The following KCNJ6 variants were observed in gnomAD, a reference collection of about 807,000 sequenced individuals.
KCNJ6 encodes potassium inwardly rectifying channel subfamily J member 6.
KCNJ6 carries 9 observed loss-of-function variants against 34.2 expected under a neutral mutation model. The ratio of observed to expected loss-of-function variants is 0.26; its 90% confidence interval spans 0.16 to 0.46. KCNJ6 has a LOEUF of 0.46. Among genes scored for constraint, KCNJ6 ranks in the 20% least tolerant of loss-of-function variants. The probability of loss-of-function intolerance (pLI) is 1.00; values close to 1 mark genes in which losing one functional copy is unlikely to be tolerated. For synonymous variants in KCNJ6, 196 were observed against 207.1 expected (o/e 0.95, Z 0.46); for missense variants, 236 against 531.3 (o/e 0.44, Z 5.46).
intron 3 of KCNJ6, among the ~76,000 whole-genome samples, chr21:37,665,113 C>A (rs557270016): frequency 6.6e-6 from 1 of 152,176 alleles, no homozygotes; most frequent in African/African-American, 2.4e-5. Flanking sequence ...TCCTTTTAAG[C>A]CTTGGTTTAG....
At chr21:37,638,501 A>G (rs1285668058) in intron 3 of KCNJ6, among the ~76,000 whole-genome samples, 6 of 152,206 alleles carry the variant, frequency 3.9e-5, no homozygotes, top group African/African-American at 1.2e-4. Flanking sequence ...GATTGATAAC[A>G]TATTTTACAA....
intron 2 of KCNJ6, among the ~76,000 whole-genome samples, chr21:37,728,698 G>GTGTA (rs1491321788): frequency 4.7e-5 from 7 of 150,316 alleles, no homozygotes; most frequent in East Asian, 2.0e-4. Context: ...GTGTGTGTGT[G>GTGTA]TATATATATA....
chr21:37,751,259 AT>A (rs989833849), intron 2 of KCNJ6, among the ~76,000 whole-genome samples: 3 of 152,212 alleles, frequency 2.0e-5, no homozygotes, highest in Admixed American at 6.5e-5. Flanking sequence ...TCACTGGAAT[AT>A]TTTATGCCTA....
intron 3 of KCNJ6, among the ~76,000 whole-genome samples, chr21:37,668,208 A>G (rs1402646549): frequency 3.9e-5 from 6 of 152,096 alleles, no homozygotes; most frequent in Admixed American, 3.9e-4. Context: ...CTTCTGCCTC[A>G]GAGCCCTCTC....
intron 3 of KCNJ6, among the ~76,000 whole-genome samples, chr21:37,628,559 C>G (rs2054320656): frequency 6.6e-6 from 1 of 152,006 alleles, no homozygotes; most frequent in East Asian, 1.9e-4. Flanking sequence ...GCAAGCATAC[C>G]AACGTACGCA....
intron 3 of KCNJ6, among the ~76,000 whole-genome samples, chr21:37,658,546 A>AT (rs1188318034): frequency 6.6e-6 from 1 of 152,120 alleles, no homozygotes; most frequent in African/African-American, 2.4e-5. Flanking sequence ...ATACAGAGAG[A>AT]TTTTTTCTTT....
chr21:37,847,820 A>G (rs560811865), intron 1 of KCNJ6, among the ~76,000 whole-genome samples: 1 of 151,882 alleles, frequency 6.6e-6, no homozygotes, highest in African/African-American at 2.4e-5. Context: ...AGAGACAGAG[A>G]ATGAGACTGG....
intron 1 of KCNJ6, among the ~76,000 whole-genome samples, chr21:37,898,048 T>C (rs1250469501): frequency 6.6e-6 from 1 of 152,252 alleles, no homozygotes; most frequent in Non-Finnish European, 1.5e-5. Context: ...CTGTGGGTTC[T>C]CCATGTTGAC....
At chr21:37,781,340 G>C (rs1452183778) in intron 2 of KCNJ6, among the ~76,000 whole-genome samples, 1 of 152,210 alleles carries the variant, frequency 6.6e-6, no homozygotes, top group Admixed American at 6.5e-5. Flanking sequence ...TGGGGTAAGG[G>C]CGCAGTGACA....
intron 2 of KCNJ6, among the ~76,000 whole-genome samples, chr21:37,830,427 G>C (rs760179614): frequency 1.3e-5 from 2 of 152,238 alleles, no homozygotes; most frequent in East Asian, 3.9e-4. Context: ...CTACTCCCCT[G>C]GGGGTGACTT....
chr21:37,870,340 C>A (rs923226286), intron 1 of KCNJ6, among the ~76,000 whole-genome samples: 1 of 151,836 alleles, frequency 6.6e-6, no homozygotes, highest in Non-Finnish European at 1.5e-5. Flanking sequence ...CAGCATTAAA[C>A]AGAGATCGCA....
In KCNJ6 at chr21:37,614,388, C is replaced by G. The variant is rs2898318; in HGVS notation, c.*10771G>C. On this transcript the variant is annotated 3_prime_UTR_variant, in exon 4 of 4. Coordinates refer to ENST00000609713, the MANE Select transcript of KCNJ6 (RefSeq NM_002240.5). The stretch of plus-strand genomic sequence containing the variant: ...TGTGTGTGTGTGTGTGTGTGTATAT[C>G]TGTGTGTGCGTATGCATGTGTCTGT... 5,731 of 136,594 alleles carry G rather than the reference C, an allele frequency of 0.042. 257 individuals are homozygous for G. Among genetic ancestry groups the G allele is most frequent in the African/African-American group, 0.12 (4,427 of 37,878 alleles). The allele number at this position is 136,594 out of a possible 1,614,324, so 8.5% of individuals were successfully genotyped here. A position where few individuals can be genotyped will look rare whatever the true frequency, so the allele number is the denominator to read the frequency against.
chr21:37,818,879 G>A (rs905179517), intron 2 of KCNJ6, among the ~76,000 whole-genome samples: 1 of 151,938 alleles, frequency 6.6e-6, no homozygotes, highest in African/African-American at 2.4e-5. Flanking sequence ...TGTAGATCTT[G>A]CTGTAAGAGA....
intron 3 of KCNJ6, among the ~76,000 whole-genome samples, chr21:37,685,074 T>C (rs1444346925): frequency 1.3e-5 from 2 of 151,946 alleles, no homozygotes; most frequent in African/African-American, 4.8e-5. Context: ...AAGCCAGCCA[T>C]TACAAATCAA....
At chr21:37,892,961 T>A (rs1317776584) in intron 1 of KCNJ6, among the ~76,000 whole-genome samples, 1 of 151,620 alleles carries the variant, frequency 6.6e-6, no homozygotes, top group Non-Finnish European at 1.5e-5. Flanking sequence ...CACACTGTTC[T>A]CCTGCCTCAG....
intron 1 of KCNJ6, among the ~76,000 whole-genome samples, chr21:37,894,373 A>G (rs903222627): frequency 1.3e-5 from 2 of 152,200 alleles, no homozygotes; most frequent in African/African-American, 4.8e-5. Context: ...CAGCATAAAA[A>G]TCAACACTTG....
At chr21:37,808,448 A>T (rs1264538977) in intron 2 of KCNJ6, among the ~76,000 whole-genome samples, 1 of 152,040 alleles carries the variant, frequency 6.6e-6, no homozygotes, top group African/African-American at 2.4e-5. Context: ...ACATCCTACC[A>T]CCTCCTCTCA....
At chr21:37,727,894 GCAACAA>G (rs34175609) in intron 2 of KCNJ6, among the ~76,000 whole-genome samples, 5 of 151,736 alleles carry the variant, frequency 3.3e-5, no homozygotes, top group African/African-American at 1.2e-4. Context: ...TCTGCATCTA[GCAACAA>G]CAACAACAAC....
chr21:37,778,512 T>A (rs1313693143), intron 2 of KCNJ6, among the ~76,000 whole-genome samples: 2 of 152,212 alleles, frequency 1.3e-5, no homozygotes, highest in African/African-American at 4.8e-5. Context: ...GAAGATAACT[T>A]ACATATTTCA....
Sources: gnomAD v4.1 joint callset for allele counts (sites outside exome capture counted in the v4.1 genomes callset) on GRCh38, gnomAD v4.1.1 for gene constraint, MANE v1.5 for transcripts, NCBI Gene and HGNC (gene_info 2026-07-23, HGNC 2026-07-21) for gene names.